Variants in CCBE1 observed in about 807,000 individuals in gnomAD.
CCBE1 encodes the protein collagen and calcium-binding EGF domain-containing protein 1.
CCBE1 carries 37 observed loss-of-function variants against 50.0 expected under a neutral mutation model. The observed-to-expected ratio is 0.74, with a 90% CI of 0.57 to 0.97. The LOEUF is 0.97. Ranked by LOEUF, CCBE1 falls within the 50% of genes least tolerant of loss-of-function variation. The pLI is 0.00. For synonymous variants in CCBE1, 234 were observed against 203.7 expected (o/e 1.15, Z -1.27); for missense variants, 538 against 523.8 (o/e 1.03, Z -0.26).
chr18:59,613,190 TG>T (rs984912080), intron 2 of CCBE1, among the ~76,000 whole-genome samples: 1 of 151,226 alleles, frequency 6.6e-6, no homozygotes, highest in Non-Finnish European at 1.5e-5. Context: ...ATGGATGGGG[TG>T]GGGGGTGGTA....
intron 3 of CCBE1, among the ~76,000 whole-genome samples, chr18:59,476,481 A>C (rs573715064): frequency 5.3e-5 from 8 of 152,314 alleles, no homozygotes; most frequent in African/African-American, 1.9e-4. Flanking sequence ...GGGCCAGATG[A>C]TATTTTGGCT....
intron 10 of CCBE1, 90 bp downstream of exon 10, chr18:59,438,021 G>A: frequency 7.7e-7 from 1 of 1,305,720 alleles, no homozygotes; most frequent in African/African-American, 1.5e-5. Flanking sequence ...GAAGGGGCGG[G>A]CTTTTGCTAC....
chr18:59,615,895 G>A (rs1346241628), intron 2 of CCBE1, among the ~76,000 whole-genome samples: 1 of 152,168 alleles, frequency 6.6e-6, no homozygotes, highest in Non-Finnish European at 1.5e-5. Flanking sequence ...AGAGCAAAGA[G>A]GACACTTACC....
At chr18:59,696,517 G>A in intron 2 of CCBE1, 112 bp downstream of exon 2, 1 of 1,573,054 alleles carries the variant, frequency 6.4e-7, no homozygotes, top group Admixed American at 1.8e-5. Context: ...AGGTTCCAGC[G>A]TAAAAGCTGC....
intron 2 of CCBE1, among the ~76,000 whole-genome samples, chr18:59,575,248 C>G (rs2052976845): frequency 6.6e-6 from 1 of 152,122 alleles, no homozygotes; most frequent in Non-Finnish European, 1.5e-5. Flanking sequence ...GTTGGTGGCA[C>G]TTTTTAATGG....
intron 2 of CCBE1, among the ~76,000 whole-genome samples, chr18:59,505,206 A>T (rs1264522506): frequency 6.6e-6 from 1 of 152,158 alleles, no homozygotes; most frequent in Non-Finnish European, 1.5e-5. Flanking sequence ...GCCACATTCA[A>T]ACCATTTATA....
intron 2 of CCBE1, among the ~76,000 whole-genome samples, chr18:59,670,750 C>G (rs553082463): frequency 6.6e-6 from 1 of 152,098 alleles, no homozygotes; most frequent in South Asian, 2.1e-4. Context: ...GAGTTTGAGA[C>G]CAGCCTGGCC....
chr18:59,678,048 G>A (rs532087389), intron 2 of CCBE1, among the ~76,000 whole-genome samples: 1 of 152,334 alleles, frequency 6.6e-6, no homozygotes, highest in Admixed American at 6.5e-5. Flanking sequence ...ACCGGGGGAT[G>A]CAAAGATGGG....
intron 2 of CCBE1, among the ~76,000 whole-genome samples, chr18:59,530,916 A>G (rs1263376427): frequency 1.3e-5 from 2 of 152,104 alleles, no homozygotes; most frequent in Non-Finnish European, 1.5e-5. Context: ...CTATTTCTTA[A>G]ATTATTTATG....
intron 2 of CCBE1, among the ~76,000 whole-genome samples, chr18:59,518,291 C>G (rs1198877727): frequency 6.6e-6 from 1 of 152,140 alleles, no homozygotes; most frequent in Admixed American, 6.5e-5. Flanking sequence ...GAGTTCAAGA[C>G]CAGCCTGGCC....
chr18:59,462,752 GT>G (rs1911552245), intron 5 of CCBE1, among the ~76,000 whole-genome samples: 2 of 152,008 alleles, frequency 1.3e-5, no homozygotes, highest in South Asian at 4.1e-4. Context: ...CCCTTAGGAA[GT>G]GGGTGCAGTG....
At chr18:59,578,051 C>T (rs1290163846) in intron 2 of CCBE1, among the ~76,000 whole-genome samples, 1 of 152,098 alleles carries the variant, frequency 6.6e-6, no homozygotes. Context: ...AAAAGTTTTA[C>T]AATCTATCTA....
chr18:59,543,930 T>TA (rs1915584483), intron 2 of CCBE1, among the ~76,000 whole-genome samples: 1 of 151,984 alleles, frequency 6.6e-6, no homozygotes, highest in Admixed American at 6.6e-5. Flanking sequence ...TGTTTGTGTT[T>TA]AAACGAGCAT....
intron 2 of CCBE1, among the ~76,000 whole-genome samples, chr18:59,582,213 G>T (rs2053094701): frequency 6.6e-6 from 1 of 152,122 alleles, no homozygotes; most frequent in East Asian, 1.9e-4. Context: ...CTTCTCCTAT[G>T]AAGTCTTCAC....
chr18:59,470,917 G>C (rs1469084162), intron 3 of CCBE1, among the ~76,000 whole-genome samples: 6 of 152,188 alleles, frequency 3.9e-5, no homozygotes, highest in African/African-American at 1.4e-4. Context: ...CTGGAAAGCT[G>C]CCCTTGTAAA....
intron 2 of CCBE1, among the ~76,000 whole-genome samples, chr18:59,523,023 T>C (rs1386931690): frequency 2.1e-5 from 3 of 142,364 alleles, no homozygotes; most frequent in African/African-American, 7.9e-5. Context: ...ATTCTCAATG[T>C]TATAACGAAA....
intron 2 of CCBE1, among the ~76,000 whole-genome samples, chr18:59,543,516 C>T (rs6567100): frequency 0.28 from 42,648 of 151,962 alleles, 6,199 homozygotes; most frequent in African/African-American, 0.33. Context: ...GGATTGTATC[C>T]ATAAAACTAA....
intron 2 of CCBE1, among the ~76,000 whole-genome samples, chr18:59,590,494 GTTTT>G (rs1272181498): frequency 1.3e-5 from 2 of 150,830 alleles, no homozygotes; most frequent in Non-Finnish European, 2.9e-5. Context: ...TCAAATTTTT[GTTTT>G]TTTATGGAGC....
chr18:59,550,535 T>C (rs904489925), intron 2 of CCBE1, among the ~76,000 whole-genome samples: 3 of 152,104 alleles, frequency 2.0e-5, no homozygotes, highest in African/African-American at 7.2e-5. Flanking sequence ...CTTCCTCAAG[T>C]GGACTGGACT....
Sources: gnomAD v4.1 joint callset for allele counts (sites outside exome capture counted in the v4.1 genomes callset) on GRCh38, gnomAD v4.1.1 for gene constraint, MANE v1.5 for transcripts, NCBI Gene and HGNC (gene_info 2026-07-23, HGNC 2026-07-21) for gene names.